Variants in NUP54 observed in about 807,000 individuals in gnomAD.
The protein encoded by NUP54 is nucleoporin 54.
NUP54 carries 27 observed loss-of-function variants against 66.4 expected under a neutral mutation model. The observed-to-expected ratio is 0.41, with a 90% CI of 0.30 to 0.56. The LOEUF (loss-of-function observed/expected upper bound fraction) is 0.56. NUP54 is among the 20% of genes least tolerant of loss of function. NUP54 has a pLI of 0.34. For missense variants in NUP54, 486 were observed against 596.3 expected, an observed-to-expected ratio of 0.82 and a Z score of 1.93; for synonymous variants, 206 against 210.7, an observed-to-expected ratio of 0.98 and a Z score of 0.19.
chr4:76,116,752 G>C (rs1327935412), intron 11 of NUP54, among the ~76,000 whole-genome samples: 1 of 152,186 alleles, frequency 6.6e-6, no homozygotes, highest in Non-Finnish European at 1.5e-5. Context: ...ATAAAATGCA[G>C]ATTGAGTACG....
At chr4:76,117,974 G>A (rs1730027512) in intron 10 of NUP54, 101 bp downstream of exon 10, 1 of 1,261,230 alleles carries the variant, frequency 7.9e-7, no homozygotes, top group Non-Finnish European at 1.1e-6. Context: ...TTGGAGATAA[G>A]AAACACAAGT....
intron 3 of NUP54, among the ~76,000 whole-genome samples, chr4:76,139,279 A>G (rs750522348): frequency 1.2e-4 from 18 of 152,186 alleles, no homozygotes; most frequent in Admixed American, 9.8e-4. Flanking sequence ...ATCTGAACCT[A>G]CTGATCAATC....
At chr4:76,147,775 T>C in intron 1 of NUP54, 1 of 588,942 alleles carries the variant, frequency 1.7e-6, no homozygotes, top group Non-Finnish European at 2.6e-6. Flanking sequence ...CTCCAAACAG[T>C]TTAAGAAAGC....
At chr4:76,124,145 C>T (rs1237124867) in intron 9 of NUP54, among the ~76,000 whole-genome samples, 3 of 151,808 alleles carry the variant, frequency 2.0e-5, no homozygotes, top group Non-Finnish European at 4.4e-5. Context: ...GTAAGTTTTC[C>T]TCTGAGTACA....
chr4:76,136,953 A>G (rs1001329287), intron 3 of NUP54, among the ~76,000 whole-genome samples: 1 of 152,194 alleles, frequency 6.6e-6, no homozygotes, highest in African/African-American at 2.4e-5. Flanking sequence ...TAGGAAACTA[A>G]CACACTAGGC....
At chr4:76,139,271 C>G (rs1161431670) in intron 3 of NUP54, among the ~76,000 whole-genome samples, 1 of 152,180 alleles carries the variant, frequency 6.6e-6, no homozygotes, top group Non-Finnish European at 1.5e-5. Flanking sequence ...CTGTCACCAT[C>G]TGAACCTACT....
chr4:76,144,395 G>C lies in NUP54; in HGVS notation c.146C>G (p.Thr49Ser), dbSNP rs1015270133. 8 of 1,608,084 alleles carry C rather than the reference G, an allele frequency of 5.0e-6. No individual in the cohort carries two copies. The Admixed American group carries it at 8.5e-5, about 17-fold the overall frequency. The change falls in exon 2 of 12, where the codon ACT becomes AGT. Residue 49 changes from threonine (T) to serine (S), a missense_variant. Around this residue, in one of 4 missense-constraint regions of NUP54, gnomAD observed 145 missense variants for 137.1 expected, o/e 1.06. Transcript: ENST00000264883. ...FSFSAPTNTG[T>S]TGLFGGTQNK... Reference sequence around the variant, plus strand: ...GACTTAAGATGGCCTCTTACCAGTAGTGCCTGTGTTAGTTGGGGCAGAAAA... The same window carrying C: ...GACTTAAGATGGCCTCTTACCAGTACTGCCTGTGTTAGTTGGGGCAGAAAA...
chr4:76,132,369 C>G, intron 6 of NUP54, 154 bp downstream of exon 6: 1 of 485,572 alleles, frequency 2.1e-6, no homozygotes. Context: ...TAAATGAATA[C>G]AAATATTCAA....
rs1183604761 is a variant in NUP54 at position 76,134,175 on chromosome 4, T to A, written c.710A>T (p.Gln237Leu). 6.2e-7 allele frequency: 1 copy of A among 1,602,932 alleles called. No individual in the cohort carries two copies. Among genetic ancestry groups the A allele is most frequent in the Non-Finnish European group, 8.5e-7 (1 of 1,170,748 alleles). Residue 237 changes from glutamine (Q) to leucine (L), a missense_variant and splice_region_variant, in exon 5 of 12, where the codon CAG becomes CTG. Gln to Leu is a moderately radical substitution (Grantham distance 113). This residue lies in a region of NUP54 where 217 missense variants were observed against 247.9 expected (regional missense o/e 0.88). Coordinates refer to ENST00000264883, the MANE Select transcript of NUP54 (RefSeq NM_017426.4). ...AAACAGTATATTTATGTATACTTACTGATCATCTGGCAATGTTTTAGTGCC... is the reference window on the plus strand; with the variant it reads ...AAACAGTATATTTATGTATACTTACAGATCATCTGGCAATGTTTTAGTGCC... ...VEGTKTLPDD[Q>L]TEVVIYVVER... is the part of the protein sequence containing the mutation.
intron 9 of NUP54, among the ~76,000 whole-genome samples, chr4:76,119,058 T>C (rs913548395): frequency 6.6e-6 from 1 of 152,080 alleles, no homozygotes; most frequent in Non-Finnish European, 1.5e-5. Context: ...TACAAAAAAA[T>C]AGACAACATA....
intron 1 of NUP54, among the ~76,000 whole-genome samples, chr4:76,144,884 G>A (rs1731420423): frequency 6.6e-6 from 1 of 152,176 alleles, no homozygotes; most frequent in African/African-American, 2.4e-5. Context: ...TTACTGATAG[G>A]TGGAACTGTT....
rs774797339 is a variant in NUP54 at position 76,118,211 on chromosome 4, C to T, written c.1165-17G>A. ...GATTAGGACCTATACAAATAAAAAC[C>T]ACCAATAACAACAGAATCATCTCTT... On this transcript the variant is annotated splice_polypyrimidine_tract_variant and intron_variant, in intron 9 of 11. Transcript: ENST00000264883. The T allele has an allele frequency of 1.9e-6, 3 of 1,607,574 alleles. No individual in the cohort carries two copies. Among genetic ancestry groups the T allele is most frequent in the East Asian group, 4.5e-5 (2 of 44,796 alleles).
At chr4:76,135,549 C>A (rs2109892986) in intron 4 of NUP54, among the ~76,000 whole-genome samples, 1 of 152,312 alleles carries the variant, frequency 6.6e-6, no homozygotes, top group African/African-American at 2.4e-5. Context: ...GATCCTCAGC[C>A]TTACAGCTCC....
At chr4:76,130,619 A>G in intron 8 of NUP54, 37 bp downstream of exon 8, 1 of 1,339,298 alleles carries the variant, frequency 7.5e-7, no homozygotes, top group Non-Finnish European at 1.1e-6. Context: ...CCCTTTCCCT[A>G]CTTCCAGGGC....
chr4:76,132,394 T>G, intron 6 of NUP54, 129 bp downstream of exon 6: 1 of 582,564 alleles, frequency 1.7e-6, no homozygotes, highest in Non-Finnish European at 2.8e-6. Context: ...ATTTCCCAAA[T>G]AAGTAGATAT....
At chr4:76,128,258 C>T (rs528129472) in intron 8 of NUP54, among the ~76,000 whole-genome samples, 85 of 152,104 alleles carry the variant, frequency 5.6e-4, no homozygotes, top group African/African-American at 2.0e-3. Context: ...ACACATTAGA[C>T]GCCTGTAGTA....
chr4:76,128,955 A>G (rs1378391578), intron 8 of NUP54, among the ~76,000 whole-genome samples: 2 of 152,220 alleles, frequency 1.3e-5, no homozygotes, highest in African/African-American at 4.8e-5. Flanking sequence ...GGGAACTGCC[A>G]AAGGTTGCTT....
intron 8 of NUP54, among the ~76,000 whole-genome samples, chr4:76,128,828 C>T (rs538940294): frequency 3.3e-5 from 5 of 152,164 alleles, no homozygotes; most frequent in East Asian, 1.9e-4. Flanking sequence ...AAATAAGCCA[C>T]GTGCAGAAAG....
At chr4:76,134,388 T>TAAA in intron 4 of NUP54, 26 bp from the exon 5 acceptor site, 1 of 1,569,668 alleles carries the variant, frequency 6.4e-7, no homozygotes, top group East Asian at 2.3e-5. Context: ...ATAAACAATA[T>TAAA]AAAAAATATG....
Sources: gnomAD v4.1 joint callset for allele counts (sites outside exome capture counted in the v4.1 genomes callset) on GRCh38, gnomAD v4.1.1 for gene constraint, gnomAD v4.1.1 regional missense constraint, MANE v1.5 for transcripts, NCBI Gene and HGNC (gene_info 2026-07-23, HGNC 2026-07-21) for gene names.